Variants in MCPH1 observed in about 807,000 individuals in gnomAD.
MCPH1 encodes microcephalin 1, also known as microcephalin.
In MCPH1, 104 loss-of-function variants were observed where a neutral mutation model predicts 84.5. That is an observed-to-expected ratio of 1.23 (90% confidence interval 1.05 to 1.45). The LOEUF is 1.45. Ranked by LOEUF, MCPH1 falls within the 40% of genes most tolerant of loss-of-function variation. MCPH1 has a pLI of 0.00. For synonymous variants in MCPH1, 514 were observed against 366.8 expected (o/e 1.40, Z -4.58); for missense variants, 1,498 against 1,005.7 (o/e 1.49, Z -6.62).
At chr8:6,513,592 C>T (rs1815636479) in intron 12 of MCPH1, 5 of 1,155,878 alleles carry the variant, frequency 4.3e-6, no homozygotes, top group Non-Finnish European at 3.6e-6. Context: ...CTCGGCCTCC[C>T]AAAGTGCTGG....
intron 9 of MCPH1, among the ~76,000 whole-genome samples, chr8:6,475,467 G>A (rs559117917): frequency 1.5e-4 from 23 of 152,218 alleles, no homozygotes; most frequent in Non-Finnish European, 2.5e-4. Flanking sequence ...CTGCCCTTGT[G>A]TTCCTCCCCA....
intron 13 of MCPH1, among the ~76,000 whole-genome samples, chr8:6,641,319 A>C (rs1375483338): frequency 6.6e-6 from 1 of 152,220 alleles, no homozygotes; most frequent in Non-Finnish European, 1.5e-5. Context: ...TGGCTGAATG[A>C]CTTTAAACCC....
chr8:6,449,564 C>T (rs971825111), intron 8 of MCPH1, among the ~76,000 whole-genome samples: 1 of 151,482 alleles, frequency 6.6e-6, no homozygotes, highest in African/African-American at 2.4e-5. Context: ...ACCCAGGAGA[C>T]AGAGGTTGCG....
intron 11 of MCPH1, among the ~76,000 whole-genome samples, chr8:6,491,911 A>G (rs900460629): frequency 2.0e-5 from 3 of 152,276 alleles, no homozygotes; most frequent in African/African-American, 7.2e-5. Flanking sequence ...AGTCTTTGCT[A>G]TTGTAAATAG....
intron 12 of MCPH1, among the ~76,000 whole-genome samples, chr8:6,518,997 A>G (rs1816814245): frequency 6.6e-6 from 1 of 152,158 alleles, no homozygotes; most frequent in Admixed American, 6.5e-5. Context: ...AGAACTAGGA[A>G]TGACTGAGGT....
intron 9 of MCPH1, among the ~76,000 whole-genome samples, chr8:6,472,034 C>G (rs1254298810): frequency 6.6e-6 from 1 of 152,072 alleles, no homozygotes; most frequent in Non-Finnish European, 1.5e-5. Context: ...AAAACAGAGT[C>G]AACCCAAAAA....
intron 12 of MCPH1, chr8:6,532,302 A>T (rs1455025785): frequency 1.2e-6 from 2 of 1,613,688 alleles, no homozygotes; most frequent in Non-Finnish European, 1.7e-6. Context: ...AGCTGCAGGG[A>T]CACCGTGTGC....
At chr8:6,581,338 T>C (rs1379744338) in intron 12 of MCPH1, among the ~76,000 whole-genome samples, 1 of 152,228 alleles carries the variant, frequency 6.6e-6, no homozygotes, top group Non-Finnish European at 1.5e-5. Context: ...CCAGCATAAA[T>C]GGGGATGAAT....
chr8:6,426,323 G>A (rs1183492095), intron 3 of MCPH1, among the ~76,000 whole-genome samples: 5 of 152,044 alleles, frequency 3.3e-5, no homozygotes, highest in South Asian at 2.1e-4. Flanking sequence ...AATCTCCTTC[G>A]TGTCCATTTG....
At chr8:6,519,762 T>G in intron 12 of MCPH1, 1 of 1,450,842 alleles carries the variant, frequency 6.9e-7, no homozygotes, top group Non-Finnish European at 9.4e-7. Context: ...TGTGTGAGGC[T>G]GGGGAAGATC....
At chr8:6,614,501 G>C (rs1025854102) in intron 12 of MCPH1, among the ~76,000 whole-genome samples, 3 of 152,240 alleles carry the variant, frequency 2.0e-5, no homozygotes, top group Non-Finnish European at 4.4e-5. Context: ...CCTGCGTGGA[G>C]GCAGGCCCTT....
chr8:6,606,019 A>G (rs572620835), intron 12 of MCPH1, among the ~76,000 whole-genome samples: 1 of 152,256 alleles, frequency 6.6e-6, no homozygotes, highest in East Asian at 1.9e-4. Flanking sequence ...TTTAAAGCCA[A>G]TTTGCTTGTT....
At chr8:6,445,782 A>G (rs35882128) in intron 8 of MCPH1, 2 of 1,308,472 alleles carry the variant, frequency 1.5e-6, no homozygotes, top group Non-Finnish European at 1.9e-6. Context: ...TTTCTCCAAG[A>G]CTTTTCCTTC....
intron 12 of MCPH1, among the ~76,000 whole-genome samples, chr8:6,503,576 A>C (rs1365528553): frequency 6.6e-6 from 1 of 152,202 alleles, no homozygotes; most frequent in African/African-American, 2.4e-5. Flanking sequence ...CAGCAGGAGT[A>C]AGCAAACATC....
At chr8:6,576,482 C>T (rs550969340) in intron 12 of MCPH1, among the ~76,000 whole-genome samples, 3 of 137,106 alleles carry the variant, frequency 2.2e-5, no homozygotes, top group East Asian at 4.4e-4. Context: ...TTTCCCTTCC[C>T]GTTTCCTTTT....
intron 8 of MCPH1, chr8:6,446,095 C>G: frequency 1.0e-6 from 1 of 975,412 alleles, no homozygotes; most frequent in Non-Finnish European, 1.2e-6. Flanking sequence ...CATTTTTGAT[C>G]ATTTGTAACA....
intron 12 of MCPH1, among the ~76,000 whole-genome samples, chr8:6,559,611 T>C (rs1825203552): frequency 6.6e-6 from 1 of 152,196 alleles, no homozygotes; most frequent in African/African-American, 2.4e-5. Context: ...ACTGCAGTTG[T>C]TTATAGGTAT....
intron 12 of MCPH1, among the ~76,000 whole-genome samples, chr8:6,585,027 G>A (rs995135083): frequency 6.6e-6 from 1 of 152,242 alleles, no homozygotes; most frequent in Non-Finnish European, 1.5e-5. Flanking sequence ...CCATCCCAGT[G>A]CGAGGGCACA....
chr8:6,416,193 C>G (rs996268729), intron 3 of MCPH1, among the ~76,000 whole-genome samples: 4 of 152,228 alleles, frequency 2.6e-5, no homozygotes, highest in African/African-American at 9.6e-5. Context: ...TTGTGGGTTC[C>G]TTAGCATTTT....
Sources: allele counts gnomAD v4.1 joint callset (sites outside exome capture counted in the v4.1 genomes callset), GRCh38; gene constraint gnomAD v4.1.1; transcripts MANE v1.5; gene names NCBI Gene and HGNC (gene_info 2026-07-23, HGNC 2026-07-21).